The following CTC1 variants were observed in gnomAD, a reference collection of about 807,000 sequenced individuals.
The protein encoded by CTC1 is CST complex subunit CTC1.
CTC1 carries 91 observed loss-of-function variants against 136.3 expected under a neutral mutation model. The observed-to-expected ratio is 0.67, with a 90% confidence interval of 0.56 to 0.79. The LOEUF (loss-of-function observed/expected upper bound fraction) is 0.79, where lower values mean the gene tolerates loss of function less well. Ranked by LOEUF, CTC1 falls within the 30% of genes least tolerant of loss-of-function variation. The probability of loss-of-function intolerance (pLI) is 0.00; values close to 1 mark genes in which losing one functional copy is unlikely to be tolerated. For missense variants in CTC1, 1,432 were observed against 1,498.1 expected, an observed-to-expected ratio of 0.96 and a Z score of 0.73; for synonymous variants, 606 against 613.8, an observed-to-expected ratio of 0.99 and a Z score of 0.19.
At chr17:8,230,210 G>T in intron 17 of CTC1, 84 bp downstream of exon 17, 2 of 1,363,594 alleles carry the variant, frequency 1.5e-6, no homozygotes, top group Non-Finnish European at 2.0e-6. Flanking sequence ...AGAAGGGGTC[G>T]CTGCAGCAAA....
chr17:8,232,114 G>T lies in CTC1; in HGVS notation c.2174C>A (p.Pro725His), dbSNP rs371046424. Residue 725 changes from proline to histidine, a missense_variant, in exon 13 of 23, where the codon CCC becomes CAC. Coordinates refer to ENST00000651323, the MANE Select transcript of CTC1 (RefSeq NM_025099.6). Reference protein sequence around the residue: ...PQTDPTGPEGPHLGQSRLFLL... With the variant: ...PQTDPTGPEGHHLGQSRLFLL... The stretch of plus-strand genomic sequence containing the variant: ...GAAGAGCCGGCTCTGTCCTAGGTGG[G>T]GTCCCTCTGGGCCGGTGGGATCTGT... 1 of 1,535,428 alleles carries T rather than the reference G, an allele frequency of 6.5e-7. No individual in the cohort carries two copies. Among genetic ancestry groups the T allele is most frequent in the East Asian group, 2.3e-5 (1 of 44,264 alleles).
Position 8,234,941 on chromosome 17 carries a change from GCAGCA to G in CTC1, c.1440-20_1440-16del. 6.3e-7 allele frequency: 1 copy of G among 1,593,520 alleles called. No individual in the cohort carries two copies. The highest frequency in any genetic ancestry group is 8.6e-7 in the Non-Finnish European group (1 of 1,168,178). On this transcript the variant is annotated splice_polypyrimidine_tract_variant and intron_variant, in intron 8 of 22. Coordinates refer to ENST00000651323, the MANE Select transcript of CTC1 (RefSeq NM_025099.6). ...GGGGACACAGCCTTGGCCAGGAAAAGCAGCACAGTCACTTCCCCTGAAGAGCCTGC... is the reference window on the plus strand; with the variant it reads ...GGGGACACAGCCTTGGCCAGGAAAAGCAGTCACTTCCCCTGAAGAGCCTGC...
At chr17:8,231,159 A>G in intron 15 of CTC1, 117 bp downstream of exon 15, 1 of 880,808 alleles carries the variant, frequency 1.1e-6, no homozygotes. Context: ...ACAAACAAAA[A>G]CAACAATAAC....
chr17:8,238,834 T>A (rs1987976926), intron 2 of CTC1, among the ~76,000 whole-genome samples: 1 of 152,252 alleles, frequency 6.6e-6, no homozygotes, highest in Non-Finnish European at 1.5e-5. Context: ...CTCACACCTG[T>A]AATCCCAGCA....
chr17:8,237,801 CA>C (rs1987873213), intron 4 of CTC1, among the ~76,000 whole-genome samples: 1 of 150,862 alleles, frequency 6.6e-6, no homozygotes, highest in Admixed American at 6.6e-5. Context: ...GTCCATAGCC[CA>C]AAGCAAGCTA....
rs1383172088 is a variant in CTC1, at chr17:8,234,856, G to A, written c.1510C>T (p.Leu504=). Residue 504 remains leucine, a synonymous_variant, in exon 9 of 23, where the codon CTG becomes TTG. Coordinates refer to ENST00000651323, the MANE Select transcript of CTC1 (RefSeq NM_025099.6). ...HSSPGSPSLG[L]QLLAPTLDLL... is the part of the protein sequence containing the mutation. ...TCCAGGGTAGGAGCCAGGAGTTGCAGTCCCAGGCTGGGGCTCCCAGGAGAG... is the reference window on the plus strand; with the variant it reads ...TCCAGGGTAGGAGCCAGGAGTTGCAATCCCAGGCTGGGGCTCCCAGGAGAG... 1 of 1,613,336 alleles carries A rather than the reference G, an allele frequency of 6.2e-7. No individual in the cohort carries two copies. The highest frequency in any genetic ancestry group is 8.5e-7 in the Non-Finnish European group (1 of 1,179,656).
chr17:8,246,229 A>T (rs916033572), intron 1 of CTC1, among the ~76,000 whole-genome samples: 1 of 147,668 alleles, frequency 6.8e-6, no homozygotes. Flanking sequence ...AAAAAAAAAA[A>T]GGAGGGAGGA....
intron 10 of CTC1, 144 bp from the exon 11 acceptor site, chr17:8,233,176 G>T: frequency 1.2e-6 from 1 of 838,344 alleles, no homozygotes; most frequent in Non-Finnish European, 1.8e-6. Context: ...TTATATTCAA[G>T]TGGGGAAGAC....
chr17:8,230,019 G>A, intron 17 of CTC1, 51 bp from the exon 18 acceptor site: 1 of 1,546,172 alleles, frequency 6.5e-7, no homozygotes, highest in East Asian at 2.2e-5. Flanking sequence ...GGCAAATTGG[G>A]GTAGAAGCTG....
chr17:8,241,389 G>T (rs1988204306), intron 2 of CTC1, among the ~76,000 whole-genome samples: 1 of 152,100 alleles, frequency 6.6e-6, no homozygotes, highest in African/African-American at 2.4e-5. Flanking sequence ...GGAAGACCGA[G>T]ACGGCAGATC....
intron 9 of CTC1, 25 bp from the exon 10 acceptor site, chr17:8,234,680 GGT>G: frequency 1.3e-6 from 2 of 1,593,028 alleles, no homozygotes; most frequent in Non-Finnish European, 1.7e-6. Flanking sequence ...AGAGAAATCG[GGT>G]GTGTGTCCCA....
chr17:8,236,165 CTTCCAGCTCCAG>C lies in CTC1; in HGVS notation c.958_969del (p.Leu320_Glu323del), dbSNP rs763129063. Reference sequence around the variant, plus strand: ...TTGGGGTCAGCCTCTAAGAGGGGTCCTTCCAGCTCCAGTTCCAGCTCCTGCACACATTCTGGT... The same window carrying C: ...TTGGGGTCAGCCTCTAAGAGGGGTCCTTCCAGCTCCTGCACACATTCTGGT... On this transcript the variant is annotated inframe_deletion, in exon 6 of 23. Coordinates refer to ENST00000651323, the MANE Select transcript of CTC1 (RefSeq NM_025099.6). The C allele has an allele frequency of 1.9e-6, 3 of 1,614,100 alleles. No homozygotes were observed. The highest frequency in any genetic ancestry group is 3.3e-5 in the Admixed American group (2 of 59,998).
In CTC1 at chr17:8,236,084, G is replaced by A. The variant is rs374781255; in HGVS notation, c.1051C>T (p.Arg351Trp). Residue 351 changes from arginine (R) to tryptophan (W), a missense_variant, in exon 6 of 23, where the codon CGG becomes TGG. Arg to Trp is a moderately radical substitution (Grantham distance 101, BLOSUM62 -3). Coordinates refer to ENST00000651323, the MANE Select transcript of CTC1 (RefSeq NM_025099.6). ...GAATAGGATAGGAGTCTAGAATACC[G>A]GACAAGACTTTCTGGATCCTTCTTG... ...EDKKDPESLV[R>W]YSRLLSYSGA... 45 of 1,613,960 alleles carry A rather than the reference G, an allele frequency of 2.8e-5. No homozygotes were observed. Among genetic ancestry groups the A allele is most frequent in the Admixed American group, 8.3e-5 (5 of 59,992 alleles).
In CTC1 at chr17:8,238,145, T is replaced by C. The variant is rs1473225000; in HGVS notation, c.533A>G (p.His178Arg). The C allele has an allele frequency of 3.1e-6, 5 of 1,614,106 alleles. No homozygotes were observed. The highest frequency in any genetic ancestry group is 4.2e-6 in the Non-Finnish European group (5 of 1,179,962). The part of the protein sequence containing the change: ...PARWNSSGEG[H>R]LELWDAPVPV... The stretch of plus-strand genomic sequence containing the variant: ...CACAGGGGCATCCCACAGCTCCAAG[T>C]GCCCTTCCCCTGAGGAATTCCACCT... The change falls in exon 4 of 23, where the codon CAC (histidine) becomes CGC (arginine). Residue 178 changes from histidine (H) to arginine (R), a missense_variant. Physicochemically the swap from His to Arg is conservative, Grantham distance 29. Transcript: ENST00000651323.
In CTC1 at chr17:8,228,127, A is replaced by C. The variant is rs1427019545; in HGVS notation, c.*53T>G. ...CAAGTAGGGAGAGGAGCCAGGACCT[A>C]GGCCTTCAGGTTTTCAGCAAGGAAG... On this transcript the variant is annotated 3_prime_UTR_variant, in exon 23 of 23. Transcript: ENST00000651323. The C allele has an allele frequency of 1.6e-5, 25 of 1,572,954 alleles. No homozygotes were observed. The highest frequency in any genetic ancestry group is 2.1e-5 in the Non-Finnish European group (24 of 1,144,514).
At chr17:8,234,433 G>T in intron 10 of CTC1, 22 bp downstream of exon 10, 1 of 1,548,684 alleles carries the variant, frequency 6.5e-7, no homozygotes. Context: ...AATCACCTGA[G>T]CCCTGCTAGG....
chr17:8,237,702 A>AAAAAAAAAAAG (rs1987860814), intron 4 of CTC1, among the ~76,000 whole-genome samples, 183 bp from the exon 5 acceptor site: 1 of 140,720 alleles, frequency 7.1e-6, no homozygotes, highest in Non-Finnish European at 1.5e-5. Flanking sequence ...AAAAAAAAAA[A>AAAAAAAAAAAG]GCAGCAGCAG....
rs1988409984 is a variant in CTC1, at chr17:8,243,089, G to A, written c.93C>T (p.Val31=). ...VFIQKTLCPA[V]KEPNVQLTPL... is the part of the protein sequence containing the mutation. Reference sequence around the variant, plus strand: ...GAGTCAACTGGACATTAGGCTCCTTGACAGCTGGACACAGGGTCTTTTGGA... The same window carrying A: ...GAGTCAACTGGACATTAGGCTCCTTAACAGCTGGACACAGGGTCTTTTGGA... Residue 31 remains valine, a synonymous_variant, in exon 2 of 23, where the codon GTC becomes GTT. Coordinates refer to ENST00000651323, the MANE Select transcript of CTC1 (RefSeq NM_025099.6). 2 of 1,613,922 alleles carry A rather than the reference G, an allele frequency of 1.2e-6. No individual in the cohort carries two copies. The highest frequency in any genetic ancestry group is 1.3e-5 in the African/African-American group (1 of 74,926).
rs1987782044 is a variant in CTC1 at position 8,237,001 on chromosome 17, A to C, written c.792+374T>G. On this transcript the variant is annotated intron_variant, in intron 5 of 22. Coordinates refer to ENST00000651323, the MANE Select transcript of CTC1 (RefSeq NM_025099.6). ...GTTGAAATTATAAAAATAAAATTGTACCAGTTGATGCAAAAAGAGTCAACA... is the reference window on the plus strand; with the variant it reads ...GTTGAAATTATAAAAATAAAATTGTCCCAGTTGATGCAAAAAGAGTCAACA... Among the ~76,000 whole-genome samples, 4 of 151,360 alleles carry C rather than the reference A, an allele frequency of 2.6e-5. No homozygotes were observed. The South Asian group carries it at 8.3e-4, about 32-fold the overall frequency.
Sources: gnomAD v4.1 joint callset for allele counts (sites outside exome capture counted in the v4.1 genomes callset) on GRCh38, gnomAD v4.1.1 for gene constraint, MANE v1.5 for transcripts, NCBI Gene and HGNC (gene_info 2026-07-23, HGNC 2026-07-21) for gene names.